Variants in GALNT17 observed in about 807,000 individuals in gnomAD.
GALNT17 encodes UDP-GalNAc:polypeptide N-acetylgalactosaminyltransferase-like 3.
Under a neutral mutation model 63.7 loss-of-function variants are expected in GALNT17, and 29 were observed. The ratio of observed to expected loss-of-function variants is 0.46; its 90% CI spans 0.34 to 0.62. The LOEUF (loss-of-function observed/expected upper bound fraction) is 0.62, where lower values mean the gene tolerates loss of function less well. Ranked by LOEUF, GALNT17 falls within the 20% of genes least tolerant of loss-of-function variation. The pLI, the probability that GALNT17 is intolerant of heterozygous loss-of-function variation, is 0.01. For missense variants in GALNT17, 603 were observed against 799.6 expected, an observed-to-expected ratio of 0.75 and a Z score of 2.97; for synonymous variants, 305 against 318.3, an observed-to-expected ratio of 0.96 and a Z score of 0.45.
intron 9 of GALNT17, among the ~76,000 whole-genome samples, chr7:71,696,581 T>A (rs1791549315): frequency 6.6e-6 from 1 of 152,254 alleles, no homozygotes; most frequent in African/African-American, 2.4e-5. Flanking sequence ...ATCTGGTTTT[T>A]GTTTATCTGG....
At chr7:71,424,090 C>T (rs1786714974) in intron 5 of GALNT17, among the ~76,000 whole-genome samples, 1 of 152,202 alleles carries the variant, frequency 6.6e-6, no homozygotes, top group African/African-American at 2.4e-5. Flanking sequence ...AGCTCCCACA[C>T]CAACTGTTCA....
intron 6 of GALNT17, among the ~76,000 whole-genome samples, chr7:71,583,705 A>G (rs989166181): frequency 6.6e-6 from 1 of 151,818 alleles, no homozygotes; most frequent in East Asian, 1.9e-4. Context: ...AAGCTATAAC[A>G]TGCACATGCA....
intron 2 of GALNT17, among the ~76,000 whole-genome samples, chr7:71,364,404 C>T (rs991313452): frequency 1.3e-5 from 2 of 152,132 alleles, no homozygotes; most frequent in African/African-American, 4.8e-5. Context: ...ACTCAGTGCC[C>T]TCCACCAATA....
intron 1 of GALNT17, among the ~76,000 whole-genome samples, chr7:71,165,149 A>G (rs1788413142): frequency 7.4e-6 from 1 of 135,850 alleles, no homozygotes; most frequent in Non-Finnish European, 1.7e-5. Context: ...TTGGTGGACC[A>G]TAGCTCAAAA....
chr7:71,174,238 A>G (rs532382311), intron 1 of GALNT17, among the ~76,000 whole-genome samples: 1 of 152,274 alleles, frequency 6.6e-6, no homozygotes, highest in African/African-American at 2.4e-5. Context: ...CCTCAGAGGA[A>G]GGGACATCTG....
intron 1 of GALNT17, among the ~76,000 whole-genome samples, chr7:71,229,585 T>A (rs965363149): frequency 6.6e-6 from 1 of 152,184 alleles, no homozygotes; most frequent in South Asian, 2.1e-4. Context: ...TAGGGACACT[T>A]GTGATCCATT....
intron 6 of GALNT17, among the ~76,000 whole-genome samples, chr7:71,633,608 A>G (rs1790488189): frequency 6.6e-6 from 1 of 152,140 alleles, no homozygotes; most frequent in Admixed American, 6.5e-5. Flanking sequence ...TAATCTTCAT[A>G]TAACATGCCT....
chr7:71,375,651 G>C (rs1792708393), intron 2 of GALNT17, among the ~76,000 whole-genome samples: 1 of 152,138 alleles, frequency 6.6e-6, no homozygotes, highest in African/African-American at 2.4e-5. Flanking sequence ...AACTCTTGGG[G>C]TCAAGTGATC....
At chr7:71,413,809 A>G (rs2116428771) in intron 3 of GALNT17, among the ~76,000 whole-genome samples, 1 of 152,260 alleles carries the variant, frequency 6.6e-6, no homozygotes, top group African/African-American at 2.4e-5. Flanking sequence ...GCTCAGTGTC[A>G]CTTGTTCTTA....
intron 1 of GALNT17, among the ~76,000 whole-genome samples, chr7:71,142,998 TG>T (rs1440527869): frequency 6.6e-6 from 1 of 150,726 alleles, no homozygotes; most frequent in Non-Finnish European, 1.5e-5. Flanking sequence ...AGGCTTGAAC[TG>T]GTGCACGGTA....
chr7:71,582,035 C>A (rs151161180), intron 6 of GALNT17, among the ~76,000 whole-genome samples: 23 of 152,166 alleles, frequency 1.5e-4, no homozygotes, highest in African/African-American at 5.3e-4. Context: ...AGGTAGTGGC[C>A]ATATGTGTTA....
chr7:71,569,742 T>C (rs1432713198), intron 5 of GALNT17, among the ~76,000 whole-genome samples: 1 of 150,538 alleles, frequency 6.6e-6, no homozygotes, highest in Admixed American at 6.6e-5. Flanking sequence ...TATTCCATGG[T>C]GTATATGCAC....
intron 3 of GALNT17, among the ~76,000 whole-genome samples, chr7:71,397,502 C>T (rs1299730644): frequency 6.6e-6 from 1 of 152,024 alleles, no homozygotes; most frequent in African/African-American, 2.4e-5. Flanking sequence ...GTAGTCAGAA[C>T]ATCCAATTAT....
rs1453464030 is a variant in GALNT17 at position 71,701,735 on chromosome 7, ATATATGTGTATATATATG to A, written c.1501-9020_1501-9003del. Among the ~76,000 whole-genome samples, 141 of 21,056 alleles carry A rather than the reference ATATATGTGTATATATATG, an allele frequency of 6.7e-3. 1 individual carries two copies. Among genetic ancestry groups the A allele is most frequent in the South Asian group, 0.017 (8 of 480 alleles). 13.8% of individuals were successfully genotyped at this position (21,056 alleles called of 152,430 possible). A position where few individuals can be genotyped will look rare whatever the true frequency, so the allele number is the denominator to read the frequency against. On this transcript the variant is annotated intron_variant, in intron 9 of 10. Coordinates refer to ENST00000333538, the MANE Select transcript of GALNT17 (RefSeq NM_022479.3). ...GAAAATGTGGTGTATGTATATATAT[ATATATGTGTATATATATG>A]TATATATATGTGTATATATATGTGT...
At chr7:71,686,548 T>G (rs1188500164) in intron 9 of GALNT17, among the ~76,000 whole-genome samples, 2 of 13,382 alleles carry the variant, frequency 1.5e-4, no homozygotes, top group African/African-American at 1.8e-4. Flanking sequence ...ACCAGGCTTT[T>G]TTATTTTTTT....
At chr7:71,214,231 C>T (rs570069292) in intron 1 of GALNT17, among the ~76,000 whole-genome samples, 38 of 152,278 alleles carry the variant, frequency 2.5e-4, no homozygotes, top group African/African-American at 8.2e-4. Context: ...CCTTCAGGTG[C>T]TGGACGCACT....
intron 1 of GALNT17, among the ~76,000 whole-genome samples, chr7:71,309,348 T>G (rs1791370168): frequency 6.6e-6 from 1 of 152,140 alleles, no homozygotes. Flanking sequence ...TCTCATTCCC[T>G]GCTAAATTTG....
intron 7 of GALNT17, 116 bp downstream of exon 7, chr7:71,665,712 T>A (rs935257263): frequency 5.0e-6 from 6 of 1,198,820 alleles, no homozygotes; most frequent in Non-Finnish European, 6.9e-6. Context: ...TTAGAAAAAT[T>A]ATGAATGCAT....
In GALNT17 at chr7:71,543,234, A is replaced by G. The variant is rs545280591; in HGVS notation, c.963-28051A>G. On this transcript the variant is annotated intron_variant, in intron 5 of 10. Transcript: ENST00000333538. ...TATTTTTCCCTAAAATATGTAGGAAATGAATAATGCATTGTTGATTATTCT... is the reference window on the plus strand; with the variant it reads ...TATTTTTCCCTAAAATATGTAGGAAGTGAATAATGCATTGTTGATTATTCT... 1.4e-4 allele frequency among the ~76,000 whole-genome samples: 21 copies of G among 152,326 alleles called. No homozygotes were observed. In the East Asian group the frequency reaches 3.3e-3, roughly 24 times the overall value.
Sources: gnomAD v4.1 joint callset for allele counts (sites outside exome capture counted in the v4.1 genomes callset) on GRCh38, gnomAD v4.1.1 for gene constraint, MANE v1.5 for transcripts, NCBI Gene and HGNC (gene_info 2026-07-23, HGNC 2026-07-21) for gene names.